Variants in FHIT observed in about 807,000 individuals in gnomAD.
FHIT encodes the protein fragile histidine triad diadenosine triphosphatase, also known as bis(5'-adenosyl)-triphosphatase.
Under a neutral mutation model 17.9 loss-of-function variants are expected in FHIT, and 19 were observed. The ratio of observed to expected loss-of-function variants is 1.06; its 90% confidence interval spans 0.74 to 1.56. The LOEUF (loss-of-function observed/expected upper bound fraction) is 1.56. Among genes scored for constraint, FHIT ranks in the 40% most tolerant of loss-of-function variants. The probability of loss-of-function intolerance (pLI) is 0.00; values close to 1 mark genes in which losing one functional copy is unlikely to be tolerated. For synonymous variants in FHIT, 81 were observed against 69.7 expected (o/e 1.16, Z -0.81); for missense variants, 248 against 189.2 (o/e 1.31, Z -1.82).
intron 8 of FHIT, among the ~76,000 whole-genome samples, chr3:59,898,442 T>TTGTGTGTGTGTGTGTGTGTG (rs3075168): frequency 6.9e-6 from 1 of 145,856 alleles, no homozygotes; most frequent in Non-Finnish European, 1.5e-5. Flanking sequence ...GTGTGTATGT[T>TTGTGTGTGTGTGTGTGTGTG]TGTGTGTGTG....
At chr3:59,862,296 TACTC>T (rs750339955) in intron 8 of FHIT, among the ~76,000 whole-genome samples, 3 of 152,276 alleles carry the variant, frequency 2.0e-5, no homozygotes, top group East Asian at 1.9e-4. Context: ...TTGTGAGACT[TACTC>T]ACTATCACAA....
At chr3:60,886,117 A>G (rs1210261723) in intron 3 of FHIT, among the ~76,000 whole-genome samples, 2 of 152,214 alleles carry the variant, frequency 1.3e-5, no homozygotes, top group African/African-American at 4.8e-5. Context: ...TTTTTAAATC[A>G]TATCCTTATG....
rs1237974646 is a variant in FHIT at position 60,099,491 on chromosome 3, G to C, written c.104-85339C>G. On this transcript the variant is annotated intron_variant, in intron 5 of 9. Coordinates refer to ENST00000492590, the MANE Select transcript of FHIT (RefSeq NM_002012.4). ...TTCTGACCCAATCAGTAGGACTTTA[G>C]AGCTGGGCTGTTAACCTGTACCCTC... Among the ~76,000 whole-genome samples, 4 of 152,074 alleles carry C rather than the reference G, an allele frequency of 2.6e-5. No homozygotes were observed. In the South Asian group the frequency reaches 6.2e-4, roughly 24 times the overall value.
At chr3:59,787,291 A>G (rs1375233552) in intron 8 of FHIT, among the ~76,000 whole-genome samples, 1 of 152,144 alleles carries the variant, frequency 6.6e-6, no homozygotes, top group Admixed American at 6.6e-5. Flanking sequence ...ATAATGTTAA[A>G]CTAAAGCCAG....
intron 5 of FHIT, among the ~76,000 whole-genome samples, chr3:60,016,982 A>G (rs994365115): frequency 2.6e-5 from 4 of 152,214 alleles, no homozygotes; most frequent in African/African-American, 9.6e-5. Context: ...CTTATAGAAA[A>G]TTAGAAACTT....
chr3:59,761,843 G>A (rs505355), intron 8 of FHIT, among the ~76,000 whole-genome samples: 7,031 of 152,102 alleles, frequency 0.046, 389 homozygotes, highest in African/African-American at 0.13. Context: ...TGACCTGCCC[G>A]CCTCGGCCTC....
intron 5 of FHIT, among the ~76,000 whole-genome samples, chr3:60,353,471 C>G (rs969566253): frequency 1.6e-4 from 24 of 152,080 alleles, no homozygotes; most frequent in African/African-American, 5.6e-4. Context: ...AGAACCTGAA[C>G]CTCAGTACCA....
chr3:60,708,603 GAAGT>G (rs1331326836), intron 4 of FHIT, among the ~76,000 whole-genome samples: 1 of 152,192 alleles, frequency 6.6e-6, no homozygotes, highest in Admixed American at 6.5e-5. Context: ...CTTGAGTAGA[GAAGT>G]TACTGGCTGG....
At chr3:61,000,595 G>A (rs571954559) in intron 3 of FHIT, among the ~76,000 whole-genome samples, 4 of 152,268 alleles carry the variant, frequency 2.6e-5, no homozygotes, top group African/African-American at 9.6e-5. Flanking sequence ...TACCCTGGAA[G>A]TTATTCAACG....
At chr3:60,957,473 G>C (rs1368068569) in intron 3 of FHIT, among the ~76,000 whole-genome samples, 1 of 152,112 alleles carries the variant, frequency 6.6e-6, no homozygotes, top group East Asian at 1.9e-4. Context: ...TCCTGACCTT[G>C]TGATCCACCC....
intron 2 of FHIT, among the ~76,000 whole-genome samples, chr3:61,174,220 G>C (rs1367623728): frequency 2.6e-5 from 4 of 152,180 alleles, no homozygotes; most frequent in African/African-American, 9.7e-5. Flanking sequence ...AAACTGATTA[G>C]GAAACTCAAG....
intron 5 of FHIT, among the ~76,000 whole-genome samples, chr3:60,034,239 C>G (rs1029455081): frequency 6.6e-6 from 1 of 152,198 alleles, no homozygotes; most frequent in African/African-American, 2.4e-5. Flanking sequence ...CCCTGATAAC[C>G]CTGAACTCCT....
chr3:59,878,790 G>A lies in FHIT; in HGVS notation c.348+43556C>T, dbSNP rs529897569. Reference sequence around the variant, plus strand: ...TTCATTACTCGATATTGACGCTAACGAGAAAGGGTTTGAGAGCAAGTTTAA... The same window carrying A: ...TTCATTACTCGATATTGACGCTAACAAGAAAGGGTTTGAGAGCAAGTTTAA... On this transcript the variant is annotated intron_variant, in intron 8 of 9. Coordinates refer to ENST00000492590, the MANE Select transcript of FHIT (RefSeq NM_002012.4). 2.6e-5 allele frequency among the ~76,000 whole-genome samples: 4 copies of A among 152,252 alleles called. No individual in the cohort carries two copies. In the South Asian group the frequency reaches 8.3e-4, roughly 32 times the overall value.
At chr3:60,139,818 A>AT (rs1047488053) in intron 5 of FHIT, among the ~76,000 whole-genome samples, 6 of 93,594 alleles carry the variant, frequency 6.4e-5, no homozygotes, top group Admixed American at 3.2e-4. Context: ...ACCTTTCATT[A>AT]TTAAAAAAAA....
At chr3:60,591,666 C>T (rs1553664334) in intron 4 of FHIT, among the ~76,000 whole-genome samples, 1 of 152,054 alleles carries the variant, frequency 6.6e-6, no homozygotes, top group East Asian at 1.9e-4. Flanking sequence ...ATATGTTACA[C>T]TATGAAACAA....
chr3:59,986,498 A>T (rs1466986219), intron 7 of FHIT, among the ~76,000 whole-genome samples: 1 of 62,334 alleles, frequency 1.6e-5, no homozygotes, highest in African/African-American at 7.0e-5. Context: ...AGTAGTCCAA[A>T]ATATATATAT....
At chr3:59,813,025 T>C (rs1298020566) in intron 8 of FHIT, among the ~76,000 whole-genome samples, 1 of 152,180 alleles carries the variant, frequency 6.6e-6, no homozygotes, top group African/African-American at 2.4e-5. Flanking sequence ...GCCATATCTT[T>C]TCTGTGAGTT....
intron 5 of FHIT, among the ~76,000 whole-genome samples, chr3:60,475,802 C>A (rs1385996107): frequency 2.6e-5 from 4 of 152,176 alleles, no homozygotes; most frequent in Admixed American, 2.0e-4. Flanking sequence ...CACCCCTGAC[C>A]TCATGTGATG....
At chr3:60,136,221 A>T (rs912021045) in intron 5 of FHIT, among the ~76,000 whole-genome samples, 3 of 152,150 alleles carry the variant, frequency 2.0e-5, no homozygotes, top group African/African-American at 7.2e-5. Flanking sequence ...GGAGAGGAGA[A>T]GAGGGAGGCA....
Sources: gnomAD v4.1 joint callset for allele counts (sites outside exome capture counted in the v4.1 genomes callset) on GRCh38, gnomAD v4.1.1 for gene constraint, MANE v1.5 for transcripts, NCBI Gene and HGNC (gene_info 2026-07-23, HGNC 2026-07-21) for gene names.